The following RABGAP1L variants were observed in gnomAD, a reference collection of about 807,000 sequenced individuals.
RABGAP1L encodes rab GTPase-activating protein 1-like.
RABGAP1L carries 63 observed loss-of-function variants against 137.7 expected under a neutral mutation model. That is an observed-to-expected ratio of 0.46 (90% CI 0.37 to 0.56). The LOEUF (loss-of-function observed/expected upper bound fraction) is 0.56, where lower values mean the gene tolerates loss of function less well. Ranked by LOEUF, RABGAP1L falls within the 20% of genes least tolerant of loss-of-function variation. The pLI, the probability that RABGAP1L is intolerant of heterozygous loss-of-function variation, is 0.00. For synonymous variants in RABGAP1L, 431 were observed against 433.7 expected (o/e 0.99, Z 0.08); for missense variants, 1,095 against 1,244.0 (o/e 0.88, Z 1.80).
chr1:174,950,526 A>C (rs1164075735), intron 19 of RABGAP1L, among the ~76,000 whole-genome samples: 1 of 152,128 alleles, frequency 6.6e-6, no homozygotes, highest in Non-Finnish European at 1.5e-5. Context: ...TCTCGAGTGC[A>C]TTATACTACT....
chr1:174,353,159 T>C (rs2148937328), intron 11 of RABGAP1L, among the ~76,000 whole-genome samples: 1 of 152,306 alleles, frequency 6.6e-6, no homozygotes, highest in Non-Finnish European at 1.5e-5. Context: ...GATTCCCTTT[T>C]CCCTTTTGAC....
At chr1:174,872,918 T>G (rs1189404816) in intron 19 of RABGAP1L, among the ~76,000 whole-genome samples, 1 of 152,196 alleles carries the variant, frequency 6.6e-6, no homozygotes, top group Non-Finnish European at 1.5e-5. Flanking sequence ...GTATACTTTG[T>G]GAATGTTTGC....
intron 14 of RABGAP1L, among the ~76,000 whole-genome samples, chr1:174,659,695 A>C (rs868536365): frequency 6.6e-6 from 1 of 152,142 alleles, no homozygotes; most frequent in Admixed American, 6.5e-5. Flanking sequence ...CTTGTACTTC[A>C]AACTTATATA....
chr1:174,299,565 C>G (rs188087364), intron 10 of RABGAP1L, among the ~76,000 whole-genome samples: 4 of 152,146 alleles, frequency 2.6e-5, no homozygotes. Context: ...CAAATTCTGG[C>G]GGAACCAGGC....
At chr1:174,305,195 G>A (rs1678090564) in intron 11 of RABGAP1L, 68 bp downstream of exon 11, 1 of 1,411,986 alleles carries the variant, frequency 7.1e-7, no homozygotes, top group Non-Finnish European at 9.3e-7. Context: ...TTCAGAGGAG[G>A]TGTGTGTGTT....
intron 13 of RABGAP1L, among the ~76,000 whole-genome samples, chr1:174,414,491 A>G (rs1426254582): frequency 2.0e-5 from 3 of 152,208 alleles, no homozygotes; most frequent in South Asian, 4.2e-4. Flanking sequence ...ATAGGATCCT[A>G]CTATACTAAT....
intron 13 of RABGAP1L, among the ~76,000 whole-genome samples, chr1:174,413,854 G>A (rs1386334676): frequency 2.0e-5 from 3 of 151,878 alleles, no homozygotes; most frequent in East Asian, 1.9e-4. Flanking sequence ...GTTTATTTTC[G>A]GAAGCTCTCT....
chr1:174,335,356 C>T (rs1188400481), intron 11 of RABGAP1L, among the ~76,000 whole-genome samples: 2 of 152,118 alleles, frequency 1.3e-5, no homozygotes, highest in Admixed American at 6.5e-5. Context: ...TTGCCTTAGC[C>T]TGTAATTTAA....
intron 10 of RABGAP1L, among the ~76,000 whole-genome samples, chr1:174,293,168 C>T (rs1440482699): frequency 1.3e-5 from 2 of 148,678 alleles, no homozygotes; most frequent in African/African-American, 2.5e-5. Flanking sequence ...TGGTTATATT[C>T]TTCTTCAATT....
chr1:174,237,511 A>C lies in RABGAP1L; in HGVS notation c.543-3972A>C, dbSNP rs1306849301. On this transcript the variant is annotated intron_variant, in intron 4 of 25. Coordinates refer to ENST00000681986, the MANE Select transcript of RABGAP1L (RefSeq NM_001366446.1). Reference sequence around the variant, plus strand: ...CATTTGCTTGTCTGTAAAGTATTTTATTTCTCCTTCACTTATGAAGCTTAG... The same window carrying C: ...CATTTGCTTGTCTGTAAAGTATTTTCTTTCTCCTTCACTTATGAAGCTTAG... 4.9e-5 allele frequency among the ~76,000 whole-genome samples: 3 copies of C among 61,800 alleles called. No homozygotes were observed. The Admixed American group carries it at 6.2e-4, about 13-fold the overall frequency. 40.5% of individuals were successfully genotyped at this position (61,800 alleles called of 152,430 possible).
intron 10 of RABGAP1L, among the ~76,000 whole-genome samples, chr1:174,294,388 G>A (rs1252837469): frequency 6.6e-6 from 1 of 152,046 alleles, no homozygotes; most frequent in African/African-American, 2.4e-5. Context: ...GACAATAGTT[G>A]GTTAACTTCA....
intron 19 of RABGAP1L, among the ~76,000 whole-genome samples, chr1:174,943,047 T>C (rs1666153230): frequency 1.3e-5 from 2 of 152,214 alleles, no homozygotes; most frequent in South Asian, 4.1e-4. Flanking sequence ...TCTGTGAGGT[T>C]GGTCCCTGGA....
chr1:174,176,644 G>A (rs1439049552), intron 1 of RABGAP1L, among the ~76,000 whole-genome samples: 5 of 145,762 alleles, frequency 3.4e-5, no homozygotes, highest in African/African-American at 5.1e-5. Flanking sequence ...CCTAGGAGGC[G>A]GAGGTTGCAG....
chr1:174,822,156 G>C (rs1691097508), intron 19 of RABGAP1L, among the ~76,000 whole-genome samples: 1 of 152,218 alleles, frequency 6.6e-6, no homozygotes, highest in South Asian at 2.1e-4. Flanking sequence ...AGCTACTCGA[G>C]AGGCTGAGGC....
intron 17 of RABGAP1L, among the ~76,000 whole-genome samples, chr1:174,729,641 C>T (rs1247375657): frequency 6.6e-6 from 1 of 152,040 alleles, no homozygotes; most frequent in African/African-American, 2.4e-5. Context: ...CAAATAACCC[C>T]ATTTAAAAAA....
In RABGAP1L at chr1:174,784,996, G is replaced by A. The variant is rs116975736; in HGVS notation, c.2212-26836G>A. Among the ~76,000 whole-genome samples, 48 of 152,228 alleles carry A rather than the reference G, an allele frequency of 3.2e-4. No homozygotes were observed. In the East Asian group the frequency reaches 9.1e-3, roughly 29 times the overall value. On this transcript the variant is annotated intron_variant, in intron 18 of 25. Coordinates refer to ENST00000681986, the MANE Select transcript of RABGAP1L (RefSeq NM_001366446.1). The stretch of plus-strand genomic sequence containing the variant: ...ATTTAAATGAAAAGGTATGTTTTGG[G>A]GGTGAGAATATACTACAGTATTTCA...
intron 11 of RABGAP1L, among the ~76,000 whole-genome samples, chr1:174,305,762 CAT>C (rs768595899): frequency 4.7e-5 from 7 of 150,192 alleles, no homozygotes; most frequent in Admixed American, 1.3e-4. Flanking sequence ...TTATTCTTTG[CAT>C]ATATATATAT....
chr1:174,736,651 C>T (rs903134721), intron 17 of RABGAP1L, among the ~76,000 whole-genome samples: 12 of 152,264 alleles, frequency 7.9e-5, no homozygotes, highest in Non-Finnish European at 1.5e-4. Flanking sequence ...TCTGTGCAGG[C>T]GCTGCCCCTG....
At chr1:174,600,166 C>G (rs1168510627) in intron 13 of RABGAP1L, among the ~76,000 whole-genome samples, 1 of 152,194 alleles carries the variant, frequency 6.6e-6, no homozygotes, top group Non-Finnish European at 1.5e-5. Flanking sequence ...TCTTGTGAGA[C>G]TTATTCACTA....
Sources: allele counts gnomAD v4.1 joint callset (sites outside exome capture counted in the v4.1 genomes callset), GRCh38; gene constraint gnomAD v4.1.1; transcripts MANE v1.5; gene names NCBI Gene and HGNC (gene_info 2026-07-23, HGNC 2026-07-21).